The following SNTG1 variants were observed in gnomAD, a reference collection of about 807,000 sequenced individuals.
SNTG1 encodes gamma-1-syntrophin.
In SNTG1, 39 loss-of-function variants were observed where a neutral mutation model predicts 74.7. The ratio of observed to expected loss-of-function variants is 0.52; its 90% CI spans 0.40 to 0.68. SNTG1 has a LOEUF of 0.68. Ranked by LOEUF, SNTG1 falls within the 30% of genes least tolerant of loss-of-function variation. The probability of loss-of-function intolerance (pLI) is 0.00; values close to 1 mark genes in which losing one functional copy is unlikely to be tolerated. For synonymous variants in SNTG1, 254 were observed against 217.1 expected, an observed-to-expected ratio of 1.17 and a Z score of -1.49; for missense variants, 685 against 609.5, an observed-to-expected ratio of 1.12 and a Z score of -1.30.
At chr8:50,508,347 T>C (rs2094029165) in intron 9 of SNTG1, among the ~76,000 whole-genome samples, 2 of 152,198 alleles carry the variant, frequency 1.3e-5, no homozygotes, top group African/African-American at 4.8e-5. Context: ...TGGTTCCAAG[T>C]CTTTGCTATT....
At chr8:50,242,258 G>A (rs2086196621) in intron 2 of SNTG1, among the ~76,000 whole-genome samples, 1 of 151,888 alleles carries the variant, frequency 6.6e-6, no homozygotes, top group African/African-American at 2.4e-5. Context: ...GCCAGGTGTG[G>A]TGGCTTACAC....
intron 17 of SNTG1, among the ~76,000 whole-genome samples, chr8:50,727,732 G>C (rs1203882883): frequency 6.6e-6 from 1 of 152,152 alleles, no homozygotes; most frequent in Non-Finnish European, 1.5e-5. Context: ...GCTCTGGGAA[G>C]TTTGCCTCCT....
intron 2 of SNTG1, among the ~76,000 whole-genome samples, chr8:50,274,334 A>G (rs6473040): frequency 0.96 from 146,474 of 152,004 alleles, 70,813 homozygotes; most frequent in East Asian, 1. Context: ...TGATCCACTC[A>G]CCTACGCTTC....
Position 50,656,938 on chromosome 8 carries a change from G to A in SNTG1, c.879G>A (p.Arg293=). Residue 293 remains arginine, a synonymous_variant, in exon 14 of 19, where the codon CGG becomes CGA. Transcript: ENST00000642720. ...TCTACATGGGCTGGTGTGAAGCCCG[G>A]GAGCAAGACCCCCTCCAGGACAGAG... The part of the protein sequence containing the change: ...QIVYMGWCEA[R]EQDPLQDRVY... The A allele has an allele frequency of 6.2e-7, 1 of 1,603,646 alleles. No homozygotes were observed. The highest frequency in any genetic ancestry group is 8.5e-7 in the Non-Finnish European group (1 of 1,174,556).
At chr8:50,408,767 C>G (rs544393727) in intron 4 of SNTG1, among the ~76,000 whole-genome samples, 2 of 152,176 alleles carry the variant, frequency 1.3e-5, no homozygotes, top group Non-Finnish European at 2.9e-5. Context: ...GCTCCTTGCT[C>G]TGAATTCCTG....
chr8:50,460,579 T>C (rs992860583), intron 8 of SNTG1, among the ~76,000 whole-genome samples: 1 of 152,206 alleles, frequency 6.6e-6, no homozygotes. Context: ...TCCAAAATGG[T>C]ATTTTCTAGG....
At chr8:50,689,909 A>G (rs1192843153) in intron 15 of SNTG1, among the ~76,000 whole-genome samples, 3 of 152,204 alleles carry the variant, frequency 2.0e-5, no homozygotes, top group African/African-American at 7.2e-5. Flanking sequence ...GCTATTGATT[A>G]TTGCGTCAAT....
At chr8:50,786,686 C>A (rs967809391) in intron 18 of SNTG1, among the ~76,000 whole-genome samples, 2 of 151,868 alleles carry the variant, frequency 1.3e-5, no homozygotes, top group Non-Finnish European at 2.9e-5. Flanking sequence ...TAGAAATGAA[C>A]CTTATTTATT....
At chr8:50,484,840 C>T (rs1326555499) in intron 8 of SNTG1, among the ~76,000 whole-genome samples, 4 of 146,800 alleles carry the variant, frequency 2.7e-5, no homozygotes, top group Non-Finnish European at 6.0e-5. Flanking sequence ...ACCTGGGCAA[C>T]AAGAGAGAGA....
chr8:50,433,668 G>T (rs2093268541), intron 4 of SNTG1, among the ~76,000 whole-genome samples: 1 of 151,970 alleles, frequency 6.6e-6, no homozygotes, highest in Admixed American at 6.5e-5. Flanking sequence ...GTGGGTTGCT[G>T]TGATAATTAC....
chr8:50,113,384 T>C (rs1334986717), intron 1 of SNTG1, among the ~76,000 whole-genome samples: 1 of 152,234 alleles, frequency 6.6e-6, no homozygotes, highest in Non-Finnish European at 1.5e-5. Flanking sequence ...AGTTCACTCA[T>C]GTCTTTTATT....
Position 50,318,125 on chromosome 8 carries a change from C to G in SNTG1, c.-27-76087C>G, listed in dbSNP as rs190947328. Among the ~76,000 whole-genome samples, 926 of 152,142 alleles carry G rather than the reference C, an allele frequency of 6.1e-3. 2 individuals carry two copies. The highest frequency in any genetic ancestry group is 9.7e-3 in the Non-Finnish European group (657 of 68,002). On this transcript the variant is annotated intron_variant, in intron 2 of 18. Coordinates refer to ENST00000642720, the MANE Select transcript of SNTG1 (RefSeq NM_018967.5). ...TGCTGGGATTACAGGCGTGAGCCAC[C>G]GAGCCCAGCCACTTATTGTCTGAGT...
intron 2 of SNTG1, among the ~76,000 whole-genome samples, chr8:50,376,756 T>TATATATATTTATAGAGAGAG (rs1381048539): frequency 1.1e-5 from 1 of 89,988 alleles, no homozygotes. Context: ...TATATATATA[T>TATATATATTTATAGAGAGAG]AGAGAGAGAG....
At chr8:50,454,829 T>TAAAAAAAAAAAAAAAAAAAAAAAAAAAA (rs1158732952) in intron 8 of SNTG1, among the ~76,000 whole-genome samples, 2 of 95,148 alleles carry the variant, frequency 2.1e-5, no homozygotes, top group African/African-American at 8.7e-5. Context: ...CAGACAGAGC[T>TAAAAAAAAAAAAAAAAAAAAAAAAAAAA]AAAAAAAAAA....
intron 1 of SNTG1, among the ~76,000 whole-genome samples, chr8:50,129,269 T>G (rs1326670108): frequency 6.6e-6 from 1 of 152,124 alleles, no homozygotes; most frequent in Non-Finnish European, 1.5e-5. Context: ...ATTCAGAGCA[T>G]CGCATATGGC....
intron 2 of SNTG1, among the ~76,000 whole-genome samples, chr8:50,372,119 C>CATTTTTCATCCTTTTT (rs150612199): frequency 0.05 from 7,537 of 151,804 alleles, 245 homozygotes; most frequent in Non-Finnish European, 0.07. Context: ...CAACTCTTTT[C>CATTTTTCATCCTTTTT]ATTTTTCATC....
At chr8:50,554,470 G>A (rs565989319) in intron 12 of SNTG1, among the ~76,000 whole-genome samples, 13 of 149,482 alleles carry the variant, frequency 8.7e-5, no homozygotes, top group Non-Finnish European at 1.6e-4. Context: ...AATAAAAACA[G>A]ATTTTCCTTT....
intron 17 of SNTG1, among the ~76,000 whole-genome samples, chr8:50,736,805 ACCTG>A (rs1233116889): frequency 6.6e-6 from 1 of 152,150 alleles, no homozygotes; most frequent in Admixed American, 6.6e-5. Flanking sequence ...AAACTGAACA[ACCTG>A]CTCCTGAATG....
chr8:50,044,147 C>T (rs1818878272), intron 1 of SNTG1, among the ~76,000 whole-genome samples: 1 of 152,138 alleles, frequency 6.6e-6, no homozygotes, highest in South Asian at 2.1e-4. Context: ...ACAGAAGTCC[C>T]TAGTTATGGA....
Sources: allele counts gnomAD v4.1 joint callset (sites outside exome capture counted in the v4.1 genomes callset), GRCh38; gene constraint gnomAD v4.1.1; transcripts MANE v1.5; gene names NCBI Gene and HGNC (gene_info 2026-07-23, HGNC 2026-07-21).